KPNA3: variants seen among roughly 807,000 people sequenced by gnomAD.
KPNA3 encodes karyopherin subunit alpha 3.
A neutral mutation model predicts 73.8 loss-of-function variants in KPNA3; 13 were observed. The ratio of observed to expected loss-of-function variants is 0.18; its 90% CI spans 0.11 to 0.28. The LOEUF is 0.28. Among genes scored for constraint, KPNA3 ranks in the 10% least tolerant of loss-of-function variants. The pLI is 1.00. For synonymous variants in KPNA3, 186 were observed against 206.9 expected (o/e 0.90, Z 0.87); for missense variants, 360 against 618.1 (o/e 0.58, Z 4.43).
At chr13:49,733,095 A>G in intron 2 of KPNA3, 49 bp from the exon 3 acceptor site, 1 of 1,151,440 alleles carries the variant, frequency 8.7e-7, no homozygotes, top group Non-Finnish European at 1.3e-6. Flanking sequence ...ACTACTGTTA[A>G]TGAAAAATCC....
chr13:49,773,135 C>T (rs556432559), intron 1 of KPNA3, among the ~76,000 whole-genome samples: 2 of 151,986 alleles, frequency 1.3e-5, no homozygotes, highest in Non-Finnish European at 2.9e-5. Context: ...GTATTGTCAT[C>T]ACATTTAAAC....
intron 2 of KPNA3, among the ~76,000 whole-genome samples, chr13:49,737,530 T>G (rs57794226): frequency 0.12 from 18,021 of 149,562 alleles, 2,155 homozygotes; most frequent in East Asian, 0.58. Flanking sequence ...ATTAGACTGT[T>G]TTGTTTTTTC....
Position 49,762,239 on chromosome 13 carries a change from G to A in KPNA3, c.70-15246C>T, listed in dbSNP as rs1456786115. Among the ~76,000 whole-genome samples the A allele has an allele frequency of 2.0e-5, 3 of 148,784 alleles. No homozygotes were observed. The East Asian group carries it at 6.2e-4, about 31-fold the overall frequency. ...GCCCGGCCAGCCGCCCCGTCGCGGA[G>A]GGAGGAGGGGGGGCGCCTCCGCCCG... On this transcript the variant is annotated intron_variant, in intron 1 of 16. Coordinates refer to ENST00000261667, the MANE Select transcript of KPNA3 (RefSeq NM_002267.4).
At chr13:49,720,004 T>C (rs111751475) in intron 9 of KPNA3, among the ~76,000 whole-genome samples, 185 bp from the exon 10 acceptor site, 2 of 152,176 alleles carry the variant, frequency 1.3e-5, no homozygotes, top group African/African-American at 4.8e-5. Context: ...CAAAAACATA[T>C]CTCAAATGTT....
intron 1 of KPNA3, among the ~76,000 whole-genome samples, chr13:49,784,317 A>G (rs2137606830): frequency 6.6e-6 from 1 of 152,330 alleles, no homozygotes. Flanking sequence ...CCAGTTAAGC[A>G]CCACCAGAAG....
chr13:49,758,447 A>C (rs1954730120), intron 1 of KPNA3, among the ~76,000 whole-genome samples: 1 of 152,182 alleles, frequency 6.6e-6, no homozygotes, highest in South Asian at 2.1e-4. Context: ...ACTACCAGGA[A>C]AACTCCAAAC....
At chr13:49,787,637 G>C (rs1954994546) in intron 1 of KPNA3, among the ~76,000 whole-genome samples, 1 of 151,764 alleles carries the variant, frequency 6.6e-6, no homozygotes, top group South Asian at 2.1e-4. Context: ...CTCCCTTGTA[G>C]CTGGGATTAC....
intron 1 of KPNA3, among the ~76,000 whole-genome samples, chr13:49,756,068 G>A (rs971761768): frequency 5.3e-5 from 8 of 152,186 alleles, no homozygotes; most frequent in African/African-American, 1.9e-4. Flanking sequence ...AGGAATTTGA[G>A]ATTAGCCTGG....
chr13:49,731,789 AG>A (rs1212035976), intron 6 of KPNA3, among the ~76,000 whole-genome samples: 1 of 152,250 alleles, frequency 6.6e-6, no homozygotes, highest in Non-Finnish European at 1.5e-5. Context: ...AAATAGGGCC[AG>A]TTCCTCAAAA....
chr13:49,716,676 G>A (rs1204502674), intron 10 of KPNA3, among the ~76,000 whole-genome samples: 1 of 152,030 alleles, frequency 6.6e-6, no homozygotes, highest in Admixed American at 6.6e-5. Flanking sequence ...GACCTCAAGT[G>A]ATCCACTGTC....
intron 1 of KPNA3, among the ~76,000 whole-genome samples, chr13:49,757,466 C>T (rs930478561): frequency 1.3e-5 from 2 of 151,964 alleles, no homozygotes; most frequent in Non-Finnish European, 1.5e-5. Flanking sequence ...ATACTATTAG[C>T]CATTAGGGAA....
intron 1 of KPNA3, among the ~76,000 whole-genome samples, chr13:49,775,162 C>CAAAAAAAAAAAAAAA (rs60494803): frequency 1.2e-4 from 11 of 93,056 alleles, no homozygotes; most frequent in East Asian, 3.4e-4. Context: ...GACTCTGTCT[C>CAAAAAAAAAAAAAAA]AAAAAAAAAA....
chr13:49,747,789 C>A (rs188687439), intron 1 of KPNA3, among the ~76,000 whole-genome samples: 27 of 152,302 alleles, frequency 1.8e-4, no homozygotes, highest in Admixed American at 5.9e-4. Context: ...TCTGTATTTA[C>A]TGGATATCTG....
At chr13:49,756,512 ACAC>A (rs1954713208) in intron 1 of KPNA3, among the ~76,000 whole-genome samples, 1 of 151,924 alleles carries the variant, frequency 6.6e-6, no homozygotes, top group Non-Finnish European at 1.5e-5. Flanking sequence ...AACTATGATT[ACAC>A]CACTGCACTC....
At chr13:49,746,121 T>C (rs1566348651) in intron 2 of KPNA3, among the ~76,000 whole-genome samples, 1 of 151,048 alleles carries the variant, frequency 6.6e-6, no homozygotes, top group Non-Finnish European at 1.5e-5. Flanking sequence ...TATTATTTTC[T>C]GGATTAGCAA....
chr13:49,769,642 A>G (rs1475217935), intron 1 of KPNA3, among the ~76,000 whole-genome samples: 1 of 152,222 alleles, frequency 6.6e-6, no homozygotes, highest in African/African-American at 2.4e-5. Flanking sequence ...ATAATATTCT[A>G]CTGTATGGAC....
intron 2 of KPNA3, among the ~76,000 whole-genome samples, chr13:49,736,645 G>T (rs528712575): frequency 6.6e-6 from 1 of 152,134 alleles, no homozygotes; most frequent in African/African-American, 2.4e-5. Context: ...TACTGACATT[G>T]ATACAATCCA....
chr13:49,731,983 T>G (rs2137554255), intron 6 of KPNA3, among the ~76,000 whole-genome samples: 1 of 152,348 alleles, frequency 6.6e-6, no homozygotes, highest in Non-Finnish European at 1.5e-5. Context: ...AGCCACTTAG[T>G]TCTGGAAACC....
chr13:49,723,757 C>A (rs1412875499), intron 7 of KPNA3, among the ~76,000 whole-genome samples: 1 of 150,240 alleles, frequency 6.7e-6, no homozygotes, highest in Non-Finnish European at 1.5e-5. Flanking sequence ...GTAGTCCCAG[C>A]TACTTGGGAG....
Sources: gnomAD v4.1 joint callset for allele counts (sites outside exome capture counted in the v4.1 genomes callset) on GRCh38, gnomAD v4.1.1 for gene constraint, MANE v1.5 for transcripts, NCBI Gene and HGNC (gene_info 2026-07-23, HGNC 2026-07-21) for gene names.